The following CLSTN2 variants were observed in gnomAD, a reference collection of about 807,000 sequenced individuals.
CLSTN2 encodes calsyntenin 2.
A neutral mutation model predicts 101.2 loss-of-function variants in CLSTN2; 48 were observed. The observed-to-expected ratio is 0.47, with a 90% CI of 0.38 to 0.60. CLSTN2 has a LOEUF of 0.60. Ranked by LOEUF, CLSTN2 falls within the 20% of genes least tolerant of loss-of-function variation. The probability of loss-of-function intolerance (pLI) is 0.00; values close to 1 mark genes in which losing one functional copy is unlikely to be tolerated. For synonymous variants in CLSTN2, 481 were observed against 463.6 expected (o/e 1.04, Z -0.48); for missense variants, 1,160 against 1,238.2 (o/e 0.94, Z 0.95).
intron 1 of CLSTN2, among the ~76,000 whole-genome samples, chr3:140,078,044 A>G (rs529270022): frequency 6.6e-6 from 1 of 152,242 alleles, no homozygotes; most frequent in East Asian, 1.9e-4. Context: ...AACACGGTGG[A>G]TGAGGGGAAG....
chr3:140,179,647 A>G (rs28660635), intron 2 of CLSTN2, among the ~76,000 whole-genome samples: 4,067 of 148,864 alleles, frequency 0.027, 248 homozygotes, highest in African/African-American at 0.097. Context: ...AAAAAAAAAA[A>G]AAAAACCTTG....
intron 1 of CLSTN2, among the ~76,000 whole-genome samples, chr3:139,946,724 C>T (rs372145441): frequency 6.6e-6 from 1 of 152,214 alleles, no homozygotes; most frequent in East Asian, 1.9e-4. Context: ...TGCCTAAAAG[C>T]CTGTTTCTCA....
At chr3:140,326,634 A>C (rs2107926776) in intron 2 of CLSTN2, among the ~76,000 whole-genome samples, 1 of 152,304 alleles carries the variant, frequency 6.6e-6, no homozygotes, top group African/African-American at 2.4e-5. Flanking sequence ...AAGATTCAAG[A>C]ACCTGAGAGA....
intron 2 of CLSTN2, among the ~76,000 whole-genome samples, chr3:140,254,644 G>A (rs2086590423): frequency 6.6e-6 from 1 of 152,042 alleles, no homozygotes; most frequent in Non-Finnish European, 1.5e-5. Context: ...GATTGAAACT[G>A]GACTCCTTCC....
chr3:140,333,438 A>G (rs181010283), intron 2 of CLSTN2, among the ~76,000 whole-genome samples: 238 of 152,206 alleles, frequency 1.6e-3, no homozygotes, highest in African/African-American at 4.7e-3. Flanking sequence ...GTATAATTCC[A>G]TGGCTCTCCA....
chr3:140,522,486 T>C (rs1935050683), intron 8 of CLSTN2, among the ~76,000 whole-genome samples: 1 of 152,244 alleles, frequency 6.6e-6, no homozygotes, highest in Non-Finnish European at 1.5e-5. Flanking sequence ...TTCAAATATG[T>C]CCTTTGGAGC....
intron 2 of CLSTN2, among the ~76,000 whole-genome samples, chr3:140,201,670 T>C (rs1559805031): frequency 6.6e-6 from 1 of 152,176 alleles, no homozygotes; most frequent in Non-Finnish European, 1.5e-5. Context: ...CTAAGCTCTG[T>C]TCTAGAAACT....
intron 1 of CLSTN2, among the ~76,000 whole-genome samples, chr3:140,064,043 T>C (rs552311454): frequency 1.3e-5 from 2 of 152,262 alleles, no homozygotes; most frequent in East Asian, 3.9e-4. Context: ...GCAGTAACCA[T>C]TGGCTACCTT....
Position 140,342,477 on chromosome 3 carries a change from A to G in CLSTN2, c.233-61152A>G, listed in dbSNP as rs1488406699. ...CTTGGGGTCTGGAAGATACACTTCC[A>G]GCTTGTGTAGGGCAGATGACTTGCT... On this transcript the variant is annotated intron_variant, in intron 2 of 16. Coordinates refer to ENST00000458420, the MANE Select transcript of CLSTN2 (RefSeq NM_022131.3). 3.3e-5 allele frequency among the ~76,000 whole-genome samples: 5 copies of G among 152,050 alleles called. No homozygotes were observed. The East Asian group carries it at 9.7e-4, about 29-fold the overall frequency.
At chr3:140,515,662 G>C (rs796196258) in intron 8 of CLSTN2, among the ~76,000 whole-genome samples, 1 of 152,028 alleles carries the variant, frequency 6.6e-6, no homozygotes, top group South Asian at 2.1e-4. Flanking sequence ...TAATTTCTAT[G>C]TATTAGAATG....
chr3:140,251,113 A>G (rs1351155915), intron 2 of CLSTN2, among the ~76,000 whole-genome samples: 1 of 152,244 alleles, frequency 6.6e-6, no homozygotes, highest in East Asian at 1.9e-4. Context: ...GAAGGCCAGA[A>G]TCACATCTTC....
At chr3:140,135,277 C>A (rs1471940811) in intron 1 of CLSTN2, among the ~76,000 whole-genome samples, 1 of 151,166 alleles carries the variant, frequency 6.6e-6, no homozygotes, top group African/African-American at 2.4e-5. Context: ...TCTGTGTTTC[C>A]CAAATGTATT....
intron 2 of CLSTN2, among the ~76,000 whole-genome samples, chr3:140,333,418 T>C (rs879716): frequency 0.54 from 82,391 of 151,954 alleles, 23,283 homozygotes; most frequent in Non-Finnish European, 0.64. Flanking sequence ...AAATCTAACA[T>C]GATAGGCTTG....
chr3:140,138,632 G>T (rs1576441763), intron 1 of CLSTN2, among the ~76,000 whole-genome samples: 1 of 152,302 alleles, frequency 6.6e-6, no homozygotes, highest in East Asian at 1.9e-4. Flanking sequence ...TGTGGCCCCG[G>T]AAAGCACATG....
intron 1 of CLSTN2, among the ~76,000 whole-genome samples, chr3:139,987,501 C>A (rs2107826579): frequency 6.6e-6 from 1 of 152,328 alleles, no homozygotes; most frequent in Admixed American, 6.5e-5. Flanking sequence ...GTAGTCCCAC[C>A]TTTCTCACCA....
chr3:140,050,262 G>A (rs900494715), intron 1 of CLSTN2, among the ~76,000 whole-genome samples: 30 of 152,212 alleles, frequency 2.0e-4, no homozygotes, highest in African/African-American at 2.7e-4. Context: ...AGCCTGCTGT[G>A]TGAGTTGAAC....
At chr3:140,351,574 ACT>A (rs1241569674) in intron 2 of CLSTN2, among the ~76,000 whole-genome samples, 1 of 152,088 alleles carries the variant, frequency 6.6e-6, no homozygotes, top group Admixed American at 6.6e-5. Context: ...AATGTTTTAA[ACT>A]CTGTGGGCCA....
chr3:140,020,096 C>T lies in CLSTN2; in HGVS notation c.109+84613C>T, dbSNP rs552999757. ...GAGTATGTGGAGCTCATCTGTGTTTCCACAGAGCTTATCTCCCAGGAGATA... is the reference window on the plus strand; with the variant it reads ...GAGTATGTGGAGCTCATCTGTGTTTTCACAGAGCTTATCTCCCAGGAGATA... On this transcript the variant is annotated intron_variant, in intron 1 of 16. Transcript: ENST00000458420. 4.6e-5 allele frequency among the ~76,000 whole-genome samples: 7 copies of T among 152,238 alleles called. No individual in the cohort carries two copies. The East Asian group carries it at 1.2e-3, about 25-fold the overall frequency.
intron 8 of CLSTN2, among the ~76,000 whole-genome samples, chr3:140,478,943 G>A (rs2107750492): frequency 6.6e-6 from 1 of 152,104 alleles, no homozygotes; most frequent in Admixed American, 6.6e-5. Context: ...AGGTGTTAGA[G>A]GATGAAATTC....
Sources: allele counts gnomAD v4.1 joint callset (sites outside exome capture counted in the v4.1 genomes callset), GRCh38; gene constraint gnomAD v4.1.1; transcripts MANE v1.5; gene names NCBI Gene and HGNC (gene_info 2026-07-23, HGNC 2026-07-21).